ATF1: variants seen among roughly 807,000 people sequenced by gnomAD.
The protein encoded by ATF1 is cyclic AMP-dependent transcription factor ATF-1.
ATF1 carries 16 observed loss-of-function variants against 34.7 expected under a neutral mutation model. The observed-to-expected ratio is 0.46, with a 90% CI of 0.31 to 0.70. ATF1 has a LOEUF of 0.70. ATF1 is among the 30% of genes least tolerant of loss of function. ATF1 has a pLI of 0.05. For synonymous variants in ATF1, 105 were observed against 113.1 expected, an observed-to-expected ratio of 0.93 and a Z score of 0.46; for missense variants, 255 against 321.6, an observed-to-expected ratio of 0.79 and a Z score of 1.58.
In ATF1 at chr12:50,819,795, A is replaced by G. The variant is rs1450163918; in HGVS notation, c.*16A>G. ...AAGTGTTTGATTCCTAAGAAAGAAAATATTTTTGTGGACATGCATAAAAAT... is the reference window on the plus strand; with the variant it reads ...AAGTGTTTGATTCCTAAGAAAGAAAGTATTTTTGTGGACATGCATAAAAAT... On this transcript the variant is annotated 3_prime_UTR_variant, in exon 7 of 7. Coordinates refer to ENST00000262053, the MANE Select transcript of ATF1 (RefSeq NM_005171.5). 8.7e-6 allele frequency: 13 copies of G among 1,499,844 alleles called. No homozygotes were observed. Among genetic ancestry groups the G allele is most frequent in the Non-Finnish European group, 1.2e-5 (13 of 1,104,334 alleles). 92.9% of individuals were successfully genotyped at this position (1,499,844 alleles called of 1,614,324 possible). A position where few individuals can be genotyped will look rare whatever the true frequency, so the allele number is the denominator to read the frequency against.
chr12:50,772,318 C>CTTTTTTT (rs71086475), intron 1 of ATF1, among the ~76,000 whole-genome samples: 6 of 116,032 alleles, frequency 5.2e-5, no homozygotes, highest in Non-Finnish European at 9.5e-5. Flanking sequence ...TGCTCCATTC[C>CTTTTTTT]TTTTTTTTTT....
At chr12:50,771,931 T>A (rs1940781236) in intron 1 of ATF1, among the ~76,000 whole-genome samples, 1 of 152,152 alleles carries the variant, frequency 6.6e-6, no homozygotes, top group Admixed American at 6.5e-5. Flanking sequence ...AGGGGAGGCA[T>A]GAAAAATCCA....
chr12:50,771,662 G>A (rs1335550229), intron 1 of ATF1, among the ~76,000 whole-genome samples: 1 of 152,126 alleles, frequency 6.6e-6, no homozygotes, highest in Non-Finnish European at 1.5e-5. Context: ...GTAAAATGAG[G>A]CTAAAACCTA....
intron 3 of ATF1, among the ~76,000 whole-genome samples, chr12:50,806,166 A>AT (rs1161550724): frequency 6.6e-6 from 1 of 152,048 alleles, no homozygotes; most frequent in Non-Finnish European, 1.5e-5. Flanking sequence ...AAAAAAAAAA[A>AT]GAAAAAAATA....
At chr12:50,778,611 A>G (rs1012351489) in intron 1 of ATF1, among the ~76,000 whole-genome samples, 6 of 145,002 alleles carry the variant, frequency 4.1e-5, no homozygotes, top group African/African-American at 1.5e-4. Flanking sequence ...TTTTTTTTTG[A>G]GACAATCTCC....
At chr12:50,775,577 T>G (rs895865679) in intron 1 of ATF1, 1 of 152,250 alleles carries the variant, frequency 6.6e-6, no homozygotes, top group African/African-American at 2.4e-5. Context: ...TTTTTTTTTT[T>G]GTAGAGACGA....
At chr12:50,810,164 C>T (rs10047618) in intron 4 of ATF1, among the ~76,000 whole-genome samples, 4,515 of 150,522 alleles carry the variant, frequency 0.03, 217 homozygotes, top group African/African-American at 0.1. Context: ...CTATGTAGTT[C>T]CGTACATAAT....
intron 1 of ATF1, 51 bp downstream of exon 1, chr12:50,764,358 C>CGCGGGAACGTGGCGCCG (rs1324445505): frequency 2.7e-5 from 4 of 150,284 alleles, no homozygotes; most frequent in African/African-American, 7.3e-5. Flanking sequence ...CGGGGAAGGA[C>CGCGGGAACGTGGCGCCG]GCGGGAACGT....
Position 50,804,872 on chromosome 12 carries a change from C to T in ATF1, c.195-4584C>T, listed in dbSNP as rs557478924. Reference sequence around the variant, plus strand: ...TGTCACCCAGGCTGGAGTGCAGTGGCGCGATCTTGGCTTACTGCAACCTCC... The same window carrying T: ...TGTCACCCAGGCTGGAGTGCAGTGGTGCGATCTTGGCTTACTGCAACCTCC... On this transcript the variant is annotated intron_variant, in intron 3 of 6. Coordinates refer to ENST00000262053, the MANE Select transcript of ATF1 (RefSeq NM_005171.5). Among the ~76,000 whole-genome samples the T allele has an allele frequency of 1.3e-3, 193 of 150,042 alleles. 1 individual carries two copies. Among genetic ancestry groups the T allele is most frequent in the Middle Eastern group, 3.4e-3 (1 of 290 alleles).
chr12:50,778,981 A>T (rs1404517494), intron 1 of ATF1, among the ~76,000 whole-genome samples: 1 of 152,076 alleles, frequency 6.6e-6, no homozygotes, highest in Non-Finnish European at 1.5e-5. Flanking sequence ...GAGTTTTGCT[A>T]CTCTAGATAC....
At chr12:50,788,840 C>T (rs1002976627) in intron 2 of ATF1, among the ~76,000 whole-genome samples, 1 of 152,032 alleles carries the variant, frequency 6.6e-6, no homozygotes, top group African/African-American at 2.4e-5. Flanking sequence ...GGCCTCTTTG[C>T]GGTCTAGTTA....
intron 1 of ATF1, among the ~76,000 whole-genome samples, chr12:50,769,002 C>T (rs1368243530): frequency 6.6e-6 from 1 of 152,182 alleles, no homozygotes; most frequent in African/African-American, 2.4e-5. Context: ...CTAGGCTCCA[C>T]ACCTAGTACA....
At chr12:50,816,472 T>G (rs1346149985) in intron 6 of ATF1, among the ~76,000 whole-genome samples, 1 of 152,078 alleles carries the variant, frequency 6.6e-6, no homozygotes, top group Non-Finnish European at 1.5e-5. Flanking sequence ...TGACCACCCT[T>G]AACAAAAACC....
chr12:50,794,092 A>G (rs1220440153), intron 2 of ATF1, among the ~76,000 whole-genome samples: 2 of 151,704 alleles, frequency 1.3e-5, no homozygotes, highest in East Asian at 3.9e-4. Context: ...CTGGGACTAC[A>G]GGCGCCTACC....
intron 3 of ATF1, among the ~76,000 whole-genome samples, chr12:50,807,076 T>G (rs1318485491): frequency 1.3e-5 from 2 of 152,174 alleles, no homozygotes; most frequent in Non-Finnish European, 2.9e-5. Flanking sequence ...ATGTAGCAAT[T>G]ATCAAATATC....
chr12:50,784,264 T>C (rs942107084), intron 2 of ATF1, among the ~76,000 whole-genome samples: 3 of 152,236 alleles, frequency 2.0e-5, no homozygotes, highest in African/African-American at 7.2e-5. Context: ...TTCATGTATC[T>C]TATATTCTAA....
intron 1 of ATF1, among the ~76,000 whole-genome samples, chr12:50,770,888 C>T (rs1244304333): frequency 6.6e-6 from 1 of 152,214 alleles, no homozygotes; most frequent in Non-Finnish European, 1.5e-5. Context: ...ATTCTGGGCA[C>T]ATTACAATCA....
At chr12:50,785,309 AC>A (rs1324465760) in intron 2 of ATF1, among the ~76,000 whole-genome samples, 1 of 137,338 alleles carries the variant, frequency 7.3e-6, no homozygotes, top group African/African-American at 3.4e-5. Flanking sequence ...ACACACACAC[AC>A]ACACACACAC....
chr12:50,819,817 A>AAATT lies in ATF1; in HGVS notation c.*41_*44dup. On this transcript the variant is annotated 3_prime_UTR_variant, in exon 7 of 7. Coordinates refer to ENST00000262053, the MANE Select transcript of ATF1 (RefSeq NM_005171.5). ...AAAATATTTTTGTGGACATGCATAA[A>AAATT]AATTAAATGGATTTCCTAGTGGAGT... 6.9e-7 allele frequency: 1 copy of AAATT among 1,448,906 alleles called. No individual in the cohort carries two copies. 89.8% of individuals were successfully genotyped at this position (1,448,906 alleles called of 1,614,324 possible). A position where few individuals can be genotyped will look rare whatever the true frequency, so the allele number is the denominator to read the frequency against.
Sources: gnomAD v4.1 joint callset for allele counts (sites outside exome capture counted in the v4.1 genomes callset) on GRCh38, gnomAD v4.1.1 for gene constraint, MANE v1.5 for transcripts, NCBI Gene and HGNC (gene_info 2026-07-23, HGNC 2026-07-21) for gene names.